Variants in STAB2 observed in about 807,000 individuals in gnomAD.
The protein encoded by STAB2 is stabilin-2.
In STAB2, 288 loss-of-function variants were observed where a neutral mutation model predicts 338.1. The ratio of observed to expected loss-of-function variants is 0.85; its 90% CI spans 0.77 to 0.94. STAB2 has a LOEUF of 0.94. Among genes scored for constraint, STAB2 ranks in the 40% least tolerant of loss-of-function variants. The probability of loss-of-function intolerance (pLI) is 0.00; values close to 1 mark genes in which losing one functional copy is unlikely to be tolerated. For synonymous variants in STAB2, 1,202 were observed against 1,193.3 expected (o/e 1.01, Z -0.15); for missense variants, 3,141 against 3,210.1 (o/e 0.98, Z 0.52).
rs989544723 is a variant in STAB2 at position 103,733,200 on chromosome 12, A to G, written c.5460+18A>G. 1 of 1,612,406 alleles carries G rather than the reference A, an allele frequency of 6.2e-7. No homozygotes were observed. The highest frequency in any genetic ancestry group is 1.3e-5 in the African/African-American group (1 of 74,998). ...ATGCCAAGGTATTTAGTTTACATGC[A>G]GACATAAGTGCAAGAATGTCCCAGG... is the stretch of plus-strand genomic sequence containing the variant. On this transcript the variant is annotated intron_variant, in intron 51 of 68. Coordinates refer to ENST00000388887, the MANE Select transcript of STAB2 (RefSeq NM_017564.10).
chr12:103,735,475 G>T lies in STAB2; in HGVS notation c.5461-16G>T. The T allele has an allele frequency of 1.9e-6, 3 of 1,578,072 alleles. No individual in the cohort carries two copies. Among genetic ancestry groups the T allele is most frequent in the Non-Finnish European group, 2.6e-6 (3 of 1,162,238 alleles). On this transcript the variant is annotated splice_polypyrimidine_tract_variant and intron_variant, in intron 51 of 68. Transcript: ENST00000388887. Reference sequence around the variant, plus strand: ...CCCAAATTTGGGGCAGTCACGTGGTGCCATCACTCCTACAGGTTTTAGCTG... The same window carrying T: ...CCCAAATTTGGGGCAGTCACGTGGTTCCATCACTCCTACAGGTTTTAGCTG...
At chr12:103,632,957 A>G (rs1957487543) in intron 6 of STAB2, among the ~76,000 whole-genome samples, 1 of 152,266 alleles carries the variant, frequency 6.6e-6, no homozygotes, top group Non-Finnish European at 1.5e-5. Flanking sequence ...ATTGAAAGTC[A>G]GCAAATGCAA....
chr12:103,609,285 C>G (rs1957083090), intron 3 of STAB2, among the ~76,000 whole-genome samples: 1 of 152,170 alleles, frequency 6.6e-6, no homozygotes, highest in Admixed American at 6.6e-5. Context: ...GGCAGTATAT[C>G]CATTTTCATG....
chr12:103,747,852 G>A (rs1566072288), intron 58 of STAB2, among the ~76,000 whole-genome samples: 1 of 151,908 alleles, frequency 6.6e-6, no homozygotes, highest in Admixed American at 6.6e-5. Context: ...AAAATTAGCC[G>A]GGCATGGTGA....
chr12:103,647,446 T>C (rs1873420606), intron 9 of STAB2, among the ~76,000 whole-genome samples: 1 of 152,220 alleles, frequency 6.6e-6, no homozygotes, highest in African/African-American at 2.4e-5. Context: ...TTTTGTTCCC[T>C]GCATCTCTCC....
intron 1 of STAB2, among the ~76,000 whole-genome samples, chr12:103,588,241 G>C (rs1956742767): frequency 6.6e-6 from 1 of 152,198 alleles, no homozygotes; most frequent in African/African-American, 2.4e-5. Flanking sequence ...TTTTATTACA[G>C]TTGGCTGCAT....
intron 30 of STAB2, among the ~76,000 whole-genome samples, chr12:103,691,157 G>A (rs1360180335): frequency 4.6e-5 from 7 of 152,202 alleles, no homozygotes; most frequent in Non-Finnish European, 1.5e-5. Flanking sequence ...TTCTGTGAGG[G>A]AGTCTGGCCG....
intron 6 of STAB2, among the ~76,000 whole-genome samples, chr12:103,631,902 C>A (rs1284477273): frequency 1.3e-5 from 2 of 151,972 alleles, no homozygotes; most frequent in Non-Finnish European, 2.9e-5. Context: ...AGAACAGAAG[C>A]AATGTGGTGT....
chr12:103,675,876 C>A, intron 23 of STAB2, 52 bp from the exon 24 acceptor site: 1 of 1,470,700 alleles, frequency 6.8e-7, no homozygotes, highest in Non-Finnish European at 9.4e-7. Context: ...TGGCTCTCTT[C>A]TGGGTCGTTG....
chr12:103,744,285 A>C (rs1293749167), intron 56 of STAB2, among the ~76,000 whole-genome samples: 6 of 152,088 alleles, frequency 3.9e-5, no homozygotes, highest in African/African-American at 1.2e-4. Flanking sequence ...TTAGGACTAC[A>C]GGCACATGCC....
chr12:103,631,519 A>T, intron 5 of STAB2, 79 bp from the exon 6 acceptor site: 1 of 1,374,240 alleles, frequency 7.3e-7, no homozygotes, highest in Non-Finnish European at 1.0e-6. Context: ...AGCAAAGATG[A>T]TCTAAAAACA....
chr12:103,634,449 C>T (rs999097074), intron 6 of STAB2, among the ~76,000 whole-genome samples: 1 of 152,186 alleles, frequency 6.6e-6, no homozygotes, highest in Admixed American at 6.5e-5. Flanking sequence ...TGCCAGTCTA[C>T]AATCTGTATC....
chr12:103,641,885 T>C (rs1225524542), intron 9 of STAB2, among the ~76,000 whole-genome samples: 1 of 152,218 alleles, frequency 6.6e-6, no homozygotes, highest in Non-Finnish European at 1.5e-5. Flanking sequence ...GTTATATTGA[T>C]AAAATATGAA....
intron 9 of STAB2, among the ~76,000 whole-genome samples, chr12:103,644,734 G>A (rs1873211146): frequency 6.6e-6 from 1 of 152,092 alleles, no homozygotes; most frequent in South Asian, 2.1e-4. Flanking sequence ...ATAAGACCTA[G>A]CATTTGATAA....
Position 103,608,384 on chromosome 12 carries a change from C to T in STAB2, c.332-12084C>T, listed in dbSNP as rs538577177. Among the ~76,000 whole-genome samples, 22 of 152,228 alleles carry T rather than the reference C, an allele frequency of 1.4e-4. No homozygotes were observed. In the East Asian group the frequency reaches 1.7e-3, roughly 12 times the overall value. On this transcript the variant is annotated intron_variant, in intron 3 of 68. Coordinates refer to ENST00000388887, the MANE Select transcript of STAB2 (RefSeq NM_017564.10). ...GTCTCAATCTCCTGACCTCGTGATC[C>T]GCCCGCCTCCGCCTCCCAAAGTGCT...
chr12:103,664,858 C>T (rs899189900), intron 18 of STAB2, among the ~76,000 whole-genome samples: 2 of 152,178 alleles, frequency 1.3e-5, no homozygotes, highest in African/African-American at 4.8e-5. Flanking sequence ...ATGCTGAGAA[C>T]CCCTTTTTTA....
At chr12:103,611,782 C>T (rs1348271355) in intron 3 of STAB2, among the ~76,000 whole-genome samples, 5 of 152,068 alleles carry the variant, frequency 3.3e-5, no homozygotes, top group Admixed American at 2.0e-4. Flanking sequence ...TTCCTAGCCT[C>T]GATGGTCTTT....
chr12:103,666,757 C>T (rs749618660), intron 19 of STAB2, among the ~76,000 whole-genome samples: 14 of 152,136 alleles, frequency 9.2e-5, no homozygotes, highest in Non-Finnish European at 1.6e-4. Context: ...TAAACAAGTC[C>T]TAATATTTGT....
chr12:103,717,923 TGAGG>T, intron 44 of STAB2, 82 bp downstream of exon 44: 3 of 1,411,354 alleles, frequency 2.1e-6, no homozygotes, highest in Non-Finnish European at 3.0e-6. Context: ...GATGCAGAGT[TGAGG>T]AACTCTTCCT....
Sources: gnomAD v4.1 joint callset for allele counts (sites outside exome capture counted in the v4.1 genomes callset) on GRCh38, gnomAD v4.1.1 for gene constraint, MANE v1.5 for transcripts, NCBI Gene and HGNC (gene_info 2026-07-23, HGNC 2026-07-21) for gene names.